SIGLEC11: variants seen among roughly 807,000 people sequenced by gnomAD.
SIGLEC11 encodes sialic acid-binding Ig-like lectin 11.
Under a neutral mutation model 61.2 loss-of-function variants are expected in SIGLEC11, and 47 were observed. The observed-to-expected ratio is 0.77, with a 90% confidence interval of 0.61 to 0.98. The LOEUF (loss-of-function observed/expected upper bound fraction) is 0.98. Among genes scored for constraint, SIGLEC11 ranks in the 50% least tolerant of loss-of-function variants. SIGLEC11 has a pLI of 0.00. For synonymous variants in SIGLEC11, 278 were observed against 373.1 expected, an observed-to-expected ratio of 0.75 and a Z score of 2.94; for missense variants, 610 against 870.3, an observed-to-expected ratio of 0.70 and a Z score of 3.76.
At chr19:49,956,953 T>C (rs1161979506) in intron 8 of SIGLEC11, among the ~76,000 whole-genome samples, 1 of 152,124 alleles carries the variant, frequency 6.6e-6, no homozygotes, top group Non-Finnish European at 1.5e-5. Flanking sequence ...GAAAAGGCAA[T>C]TATAAAAATA....
intron 9 of SIGLEC11, 123 bp from the exon 10 acceptor site, chr19:49,952,095 G>A (rs559400554): frequency 4.3e-5 from 46 of 1,066,440 alleles, no homozygotes; most frequent in East Asian, 3.9e-4. Flanking sequence ...ACATATCCAC[G>A]GGGTGACTTC....
intron 8 of SIGLEC11, among the ~76,000 whole-genome samples, chr19:49,956,243 G>A (rs540039082): frequency 3.1e-4 from 47 of 152,324 alleles, no homozygotes; most frequent in African/African-American, 7.7e-4. Flanking sequence ...TGTGTTGCTC[G>A]CTGGGGAAAA....
intron 10 of SIGLEC11, 64 bp from the exon 11 acceptor site, chr19:49,950,300 TG>T: frequency 2.2e-6 from 3 of 1,386,564 alleles, no homozygotes; most frequent in Non-Finnish European, 2.8e-6. Context: ...GCAAGGAGGA[TG>T]CACAAGAGGA....
rs779052554 is a variant in SIGLEC11 at position 49,958,274 on chromosome 19, T to TC, written c.1651+8dup. 1 of 1,612,438 alleles carries TC rather than the reference T, an allele frequency of 6.2e-7. No homozygotes were observed. The highest frequency in any genetic ancestry group is 1.1e-5 in the South Asian group (1 of 90,872). On this transcript the variant is annotated intron_variant, in intron 8 of 10. Coordinates refer to ENST00000447370, the MANE Select transcript of SIGLEC11 (RefSeq NM_052884.3). ...CTCCCTGAACCTCAGCCCCCCACAG[T>TC]CCCCTCACCTGGTAGCAGCTGGAAG...
intron 9 of SIGLEC11, 135 bp downstream of exon 9, chr19:49,952,163 C>T: frequency 9.4e-7 from 1 of 1,067,928 alleles, no homozygotes; most frequent in African/African-American, 1.6e-5. Context: ...GGAGCAGACC[C>T]CTGCTCTGAT....
chr19:49,954,690 C>T (rs1233637325), intron 8 of SIGLEC11, among the ~76,000 whole-genome samples: 1 of 152,144 alleles, frequency 6.6e-6, no homozygotes, highest in Non-Finnish European at 1.5e-5. Flanking sequence ...CCAACCTGGC[C>T]AGATTGCAGG....
At chr19:49,952,447 G>C (rs2076165255) in intron 8 of SIGLEC11, 53 bp from the exon 9 acceptor site, 5 of 1,382,752 alleles carry the variant, frequency 3.6e-6, no homozygotes, top group Non-Finnish European at 5.0e-6. Context: ...AGACCCTCCT[G>C]CCCCTTCCTC....
At chr19:49,956,469 G>A (rs1600613876) in intron 8 of SIGLEC11, among the ~76,000 whole-genome samples, 1 of 152,128 alleles carries the variant, frequency 6.6e-6, no homozygotes, top group African/African-American at 2.4e-5. Flanking sequence ...TAGGCCATGG[G>A]CATATCAACA....
In SIGLEC11 at chr19:49,960,589, A is replaced by T. The variant is rs142415341; in HGVS notation, c.423T>A (p.His141Gln). The change falls in exon 2 of 11, where the codon CAT becomes CAA. Residue 141 changes from histidine (H) to glutamine (Q), a missense_variant. Physicochemically the swap from His to Gln is conservative, Grantham distance 24. Coordinates refer to ENST00000447370, the MANE Select transcript of SIGLEC11 (RefSeq NM_052884.3). ...GAAAGAACGCATTGCTCAGGAAACT[A>T]TGTCTCACACGGCTTCCTCTCTCCA... ...FRVERGSRVR[H>Q]SFLSNAFFLK... 3.8e-6 allele frequency: 6 copies of T among 1,598,134 alleles called. No homozygotes were observed. The Admixed American group carries it at 8.4e-5, about 22-fold the overall frequency.
At chr19:49,956,099 C>T (rs1413932076) in intron 8 of SIGLEC11, among the ~76,000 whole-genome samples, 1 of 152,142 alleles carries the variant, frequency 6.6e-6, no homozygotes, top group Non-Finnish European at 1.5e-5. Flanking sequence ...TGCGGAGGGA[C>T]TAACACGGAA....
In SIGLEC11 at chr19:49,949,764, C is replaced by T. The variant is rs1290595412; in HGVS notation, c.*206G>A. 9.8e-6 allele frequency: 4 copies of T among 409,456 alleles called. No homozygotes were observed. Among genetic ancestry groups the T allele is most frequent in the Admixed American group, 9.1e-5 (2 of 21,920 alleles). 25.4% of individuals were successfully genotyped at this position (409,456 alleles called of 1,614,324 possible). ...GGCTGAAATGGGAGGCTCACTTCAACCTGGCAGGTTGAGGCTACAGTGAGC... is the reference window on the plus strand; with the variant it reads ...GGCTGAAATGGGAGGCTCACTTCAATCTGGCAGGTTGAGGCTACAGTGAGC... On this transcript the variant is annotated 3_prime_UTR_variant, in exon 11 of 11. Coordinates refer to ENST00000447370, the MANE Select transcript of SIGLEC11 (RefSeq NM_052884.3).
rs55957420 is a variant in SIGLEC11 at position 49,955,934 on chromosome 19, CA to C, written c.1651+2348del. Among the ~76,000 whole-genome samples the C allele has an allele frequency of 0.061, 5,574 of 91,514 alleles. 251 individuals carry two copies. Among genetic ancestry groups the C allele is most frequent in the African/African-American group, 0.16 (4,563 of 28,938 alleles). The allele number at this position is 91,514 out of a possible 152,430, so 60.0% of individuals were successfully genotyped here. On this transcript the variant is annotated intron_variant, in intron 8 of 10. Coordinates refer to ENST00000447370, the MANE Select transcript of SIGLEC11 (RefSeq NM_052884.3). This position sits in a 1 kb window ranked among gnomAD's most constrained non-coding sequence, Gnocchi z 4.5. ...AGGGCAACAGAGCGAGACTCCGTCT[CA>C]AAAAAAAAAAAAAAAAGAACTTGTA... is the stretch of plus-strand genomic sequence containing the variant.
chr19:49,958,443 G>A lies in SIGLEC11; in HGVS notation c.1491C>T (p.Asn497=). 6.2e-7 allele frequency: 1 copy of A among 1,613,712 alleles called. No individual in the cohort carries two copies. The highest frequency in any genetic ancestry group is 8.5e-7 in the Non-Finnish European group (1 of 1,179,938). The change falls in exon 8 of 11, where the codon AAC becomes AAT. Residue 497 remains asparagine (N), a synonymous_variant. Coordinates refer to ENST00000447370, the MANE Select transcript of SIGLEC11 (RefSeq NM_052884.3). The part of the protein sequence containing the change: ...WWLGEELLEG[N]SSQGSFEVTP... Reference sequence around the variant, plus strand: ...TGACCTCGAAGGAGCCCTGACTGCTGTTCCCCTCCAGCAGCTCCTCCCCAA... The same window carrying A: ...TGACCTCGAAGGAGCCCTGACTGCTATTCCCCTCCAGCAGCTCCTCCCCAA...
At chr19:49,954,201 T>TA (rs954221642) in intron 8 of SIGLEC11, among the ~76,000 whole-genome samples, 2 of 151,984 alleles carry the variant, frequency 1.3e-5, no homozygotes, top group African/African-American at 4.8e-5. Flanking sequence ...GACACGAAGT[T>TA]AAAAGAAAAA....
intron 8 of SIGLEC11, 112 bp downstream of exon 8, chr19:49,958,171 T>C (rs2076211125): frequency 6.8e-7 from 1 of 1,481,436 alleles, no homozygotes; most frequent in Admixed American, 2.2e-5. Flanking sequence ...AGGGACTTTG[T>C]CCCCATCCCT....
intron 8 of SIGLEC11, among the ~76,000 whole-genome samples, chr19:49,956,177 C>T (rs948493443): frequency 2.6e-5 from 4 of 152,180 alleles, no homozygotes; most frequent in Admixed American, 6.5e-5. Context: ...TCTCCCGAAC[C>T]GACGCCCACA....
chr19:49,951,854 C>G lies in SIGLEC11; in HGVS notation c.1830+37G>C. 1 of 1,523,822 alleles carries G rather than the reference C, an allele frequency of 6.6e-7. No homozygotes were observed. The highest frequency in any genetic ancestry group is 8.8e-7 in the Non-Finnish European group (1 of 1,133,306). The allele number at this position is 1,523,822 out of a possible 1,614,324, so 94.4% of individuals were successfully genotyped here. The stretch of plus-strand genomic sequence containing the variant: ...CCCATGGCCATCAAGGAAAGGGGAA[C>G]AGGCAGGGCCCCAGCAGACAGAGGC... On this transcript the variant is annotated intron_variant, in intron 10 of 10. Coordinates refer to ENST00000447370, the MANE Select transcript of SIGLEC11 (RefSeq NM_052884.3). This position sits in a 1 kb window ranked among gnomAD's most constrained non-coding sequence, Gnocchi z 4.6.
intron 10 of SIGLEC11, 142 bp from the exon 11 acceptor site, chr19:49,950,378 T>C (rs2076151726): frequency 1.2e-6 from 1 of 850,048 alleles, no homozygotes; most frequent in Non-Finnish European, 1.7e-6. Flanking sequence ...CCTCATTCAT[T>C]CACTCATTCA....
At position 49,958,285 on chromosome 19, in the gene SIGLEC11, G is replaced by C. The variant is rs2076212028; in HGVS notation, c.1649C>G (p.Pro550Arg). The C allele has an allele frequency of 6.2e-7, 1 of 1,613,718 alleles. No homozygotes were observed. The highest frequency in any genetic ancestry group is 1.3e-5 in the African/African-American group (1 of 74,922). Reference sequence around the variant, plus strand: ...TCAGCCCCCCACAGTCCCCTCACCTGGTAGCAGCTGGAAGACAGAGCCACT... The same window carrying C: ...TCAGCCCCCCACAGTCCCCTCACCTCGTAGCAGCTGGAAGACAGAGCCACT... ...AQSGSVFQLL[P>R]GKLEHGGGLG... Residue 550 changes from proline to arginine, a missense_variant and splice_region_variant, in exon 8 of 11, where the codon CCA becomes CGA. By Grantham distance (103) the Pro-to-Arg change is moderately radical. Around this residue, in one of 6 missense-constraint regions of SIGLEC11, gnomAD observed 432 missense variants for 441.5 expected, o/e 0.98. Coordinates refer to ENST00000447370, the MANE Select transcript of SIGLEC11 (RefSeq NM_052884.3).
Sources: gnomAD v4.1 joint callset for allele counts (sites outside exome capture counted in the v4.1 genomes callset) on GRCh38, gnomAD v4.1.1 for gene constraint, gnomAD v4.1.1 regional missense constraint, Gnocchi (gnomAD v3.1) non-coding constraint, MANE v1.5 for transcripts, NCBI Gene and HGNC (gene_info 2026-07-23, HGNC 2026-07-21) for gene names.